Variants in SENP5 observed in about 807,000 individuals in gnomAD.
SENP5 encodes the protein sentrin-specific protease 5.
In SENP5, 21 loss-of-function variants were observed where a neutral mutation model predicts 74.2. The observed-to-expected ratio is 0.28, with a 90% CI of 0.20 to 0.41. The LOEUF is 0.41. Ranked by LOEUF, SENP5 falls within the 10% of genes least tolerant of loss-of-function variation. The pLI is 1.00. For missense variants in SENP5, 717 were observed against 889.1 expected (o/e 0.81, Z 2.46); for synonymous variants, 311 against 312.7 (o/e 0.99, Z 0.06).
At chr3:196,922,299 CAT>C (rs1293378806) in intron 6 of SENP5, among the ~76,000 whole-genome samples, 2 of 152,194 alleles carry the variant, frequency 1.3e-5, no homozygotes, top group Non-Finnish European at 2.9e-5. Context: ...AATTACCAGT[CAT>C]GTGACTAATA....
chr3:196,899,951 A>G lies in SENP5; in HGVS notation c.1647A>G (p.Thr549=). ...NRKPFINREI[T]NYRARHQKCN... Reference sequence around the variant, plus strand: ...AACCATTTATCAATAGGGAAATAACAAACTATCGGGCCAGACATCAAAAAT... The same window carrying G: ...AACCATTTATCAATAGGGAAATAACGAACTATCGGGCCAGACATCAAAAAT... The change falls in exon 4 of 10, where the codon ACA becomes ACG. Residue 549 remains threonine (T), a synonymous_variant. Coordinates refer to ENST00000323460, the MANE Select transcript of SENP5 (RefSeq NM_152699.5). 1.2e-6 allele frequency: 2 copies of G among 1,613,896 alleles called. No individual in the cohort carries two copies. Among genetic ancestry groups the G allele is most frequent in the East Asian group, 2.2e-5 (1 of 44,872 alleles).
intron 9 of SENP5, among the ~76,000 whole-genome samples, chr3:196,930,134 TTATACA>T (rs988947281): frequency 1.2e-4 from 19 of 152,018 alleles, no homozygotes; most frequent in Admixed American, 1.1e-3. Flanking sequence ...AAAAATTCAG[TTATACA>T]TATATTTATG....
At chr3:196,870,233 C>G (rs1483136087) in intron 1 of SENP5, among the ~76,000 whole-genome samples, 1 of 152,146 alleles carries the variant, frequency 6.6e-6, no homozygotes. Context: ...AAGGTGGTCA[C>G]AGTGCTTTAC....
At chr3:196,923,279 G>A in intron 6 of SENP5, 135 bp from the exon 7 acceptor site, 1 of 806,922 alleles carries the variant, frequency 1.2e-6, no homozygotes, top group Non-Finnish European at 1.9e-6. Flanking sequence ...TAAGACCTGG[G>A]TTCAAATTCT....
At chr3:196,870,603 C>T (rs933878222) in intron 1 of SENP5, among the ~76,000 whole-genome samples, 6 of 151,986 alleles carry the variant, frequency 3.9e-5, no homozygotes, top group South Asian at 2.1e-4. Context: ...CTGCAACTTC[C>T]GCCTCCCGGG....
At chr3:196,917,858 C>T (rs1227170596) in intron 6 of SENP5, among the ~76,000 whole-genome samples, 1 of 152,192 alleles carries the variant, frequency 6.6e-6, no homozygotes, top group East Asian at 1.9e-4. Flanking sequence ...AATAAGAAAT[C>T]ATCCAAAGGT....
chr3:196,868,330 C>T (rs571638369), intron 1 of SENP5, among the ~76,000 whole-genome samples: 2 of 152,376 alleles, frequency 1.3e-5, no homozygotes, highest in East Asian at 3.9e-4. Flanking sequence ...CACCGGGAAG[C>T]TGGCGCCCCC....
intron 2 of SENP5, among the ~76,000 whole-genome samples, chr3:196,890,152 C>G (rs1437177136): frequency 6.6e-6 from 1 of 152,196 alleles, no homozygotes; most frequent in Non-Finnish European, 1.5e-5. Flanking sequence ...CAATTCTCAG[C>G]AAGTTACCTA....
chr3:196,928,513 G>A (rs977278496), intron 8 of SENP5, among the ~76,000 whole-genome samples: 9 of 152,188 alleles, frequency 5.9e-5, no homozygotes, highest in African/African-American at 2.2e-4. Flanking sequence ...TTAGGGATAA[G>A]CATCGTCTTT....
At chr3:196,900,248 T>C in intron 4 of SENP5, 117 bp from the exon 5 acceptor site, 1 of 1,107,230 alleles carries the variant, frequency 9.0e-7, no homozygotes, top group South Asian at 1.7e-5. Flanking sequence ...TTTATTCTGA[T>C]TGGGATGTAC....
rs1455362476 is a variant in SENP5 at position 196,927,667 on chromosome 3, T to C, written c.2023-129T>C. ...AAAAAAAAAAAAAAATTGTTCCAGC[T>C]TCTTAATGCATATTCTGCCCAGTTA... On this transcript the variant is annotated intron_variant, in intron 7 of 9. Coordinates refer to ENST00000323460, the MANE Select transcript of SENP5 (RefSeq NM_152699.5). The C allele has an allele frequency of 4.6e-5, 24 of 526,540 alleles. 1 individual carries two copies. In the South Asian group the frequency reaches 6.6e-4, roughly 15 times the overall value. The allele number at this position is 526,540 out of a possible 1,614,324, so 32.6% of individuals were successfully genotyped here.
At chr3:196,883,121 C>CT (rs1024738297) in intron 1 of SENP5, among the ~76,000 whole-genome samples, 5 of 151,644 alleles carry the variant, frequency 3.3e-5, no homozygotes, top group Non-Finnish European at 7.4e-5. Flanking sequence ...CCATTTTACT[C>CT]TTTTTTGCAT....
At position 196,885,795 on chromosome 3, in the gene SENP5, A is replaced by AC. The variant is rs1713937775; in HGVS notation, c.616dup (p.His206ProfsTer15). On this transcript the variant is annotated frameshift_variant, in exon 2 of 10. Coordinates refer to ENST00000323460, the MANE Select transcript of SENP5 (RefSeq NM_152699.5). LOFTEE classifies it high-confidence loss of function. ...TACGGCTGCTGCCAAGGGCCGGAGC[A>AC]CCACAGGAATGGGGGACCCTTGATT... 5.0e-6 allele frequency: 8 copies of AC among 1,614,226 alleles called. No homozygotes were observed. The highest frequency in any genetic ancestry group is 5.9e-6 in the Non-Finnish European group (7 of 1,180,042).
At chr3:196,871,196 G>A (rs554190703) in intron 1 of SENP5, among the ~76,000 whole-genome samples, 1 of 152,142 alleles carries the variant, frequency 6.6e-6, no homozygotes, top group East Asian at 1.9e-4. Flanking sequence ...AACAAGTGAT[G>A]GTAACACATA....
At position 196,899,786 on chromosome 3, in the gene SENP5, C is replaced by A; in HGVS notation, c.1619+15C>A. ...TTTTCTAATAGGTATATAAATGATG[C>A]TAAAGTTAAGCCCTTGAAAATAAAA... On this transcript the variant is annotated intron_variant, in intron 3 of 9. Coordinates refer to ENST00000323460, the MANE Select transcript of SENP5 (RefSeq NM_152699.5). 1 of 1,554,710 alleles carries A rather than the reference C, an allele frequency of 6.4e-7. No individual in the cohort carries two copies.
chr3:196,878,486 G>A (rs1713578358), intron 1 of SENP5, among the ~76,000 whole-genome samples: 1 of 152,130 alleles, frequency 6.6e-6, no homozygotes, highest in Non-Finnish European at 1.5e-5. Context: ...TCCTGACATA[G>A]TTCTCAGAAT....
chr3:196,875,984 A>G (rs1266024388), intron 1 of SENP5, among the ~76,000 whole-genome samples: 2 of 152,150 alleles, frequency 1.3e-5, no homozygotes, highest in African/African-American at 2.4e-5. Context: ...CTGCCTCCCA[A>G]AGTGCTGGGA....
intron 6 of SENP5, among the ~76,000 whole-genome samples, chr3:196,920,266 T>A (rs1418552855): frequency 6.6e-6 from 1 of 152,246 alleles, no homozygotes; most frequent in East Asian, 1.9e-4. Flanking sequence ...ATCTTACATA[T>A]ACATTCTTGT....
intron 5 of SENP5, among the ~76,000 whole-genome samples, chr3:196,902,231 C>T (rs566491996): frequency 8.2e-4 from 125 of 152,370 alleles, no homozygotes; most frequent in African/African-American, 2.9e-3. Flanking sequence ...ATCTTCTCGC[C>T]TTAGCCTCCC....
Sources: gnomAD v4.1 joint callset for allele counts (sites outside exome capture counted in the v4.1 genomes callset) on GRCh38, gnomAD v4.1.1 for gene constraint, MANE v1.5 for transcripts, NCBI Gene and HGNC (gene_info 2026-07-23, HGNC 2026-07-21) for gene names.